Variants in PHF21A observed in about 807,000 individuals in gnomAD.
PHF21A encodes the protein PHD finger protein 21A, also known as BHC80a.
In PHF21A, 11 loss-of-function variants were observed where a neutral mutation model predicts 82.5. The observed-to-expected ratio is 0.13, with a 90% CI of 0.08 to 0.22. PHF21A has a LOEUF of 0.22. PHF21A is among the 10% of genes least tolerant of loss of function. The pLI, the probability that PHF21A is intolerant of heterozygous loss-of-function variation, is 1.00. For missense variants in PHF21A, 579 were observed against 837.8 expected, an observed-to-expected ratio of 0.69 and a Z score of 3.81; for synonymous variants, 297 against 302.8, an observed-to-expected ratio of 0.98 and a Z score of 0.20.
intron 18 of PHF21A, 125 bp downstream of exon 18, chr11:45,935,511 T>G: frequency 4.3e-6 from 3 of 699,330 alleles, no homozygotes; most frequent in Non-Finnish European, 7.5e-6. Context: ...TTTGCCCAAG[T>G]TAATCACGTT....
chr11:45,977,200 G>A (rs115659933), intron 7 of PHF21A, among the ~76,000 whole-genome samples: 274 of 147,384 alleles, frequency 1.9e-3, no homozygotes, highest in African/African-American at 6.4e-3. Flanking sequence ...AGTGCAGTAC[G>A]ATCTCGGCTC....
intron 6 of PHF21A, among the ~76,000 whole-genome samples, chr11:46,015,474 G>A (rs556870041): frequency 6.6e-6 from 1 of 151,922 alleles, no homozygotes; most frequent in Admixed American, 6.6e-5. Context: ...TATAGTTTGA[G>A]ATTTTAAAAA....
chr11:45,973,864 A>C (rs1002982793), intron 7 of PHF21A, among the ~76,000 whole-genome samples: 10 of 152,246 alleles, frequency 6.6e-5, no homozygotes, highest in African/African-American at 2.4e-4. Context: ...ATGGATTTTA[A>C]AGAAACGCAT....
intron 6 of PHF21A, among the ~76,000 whole-genome samples, chr11:46,040,928 C>CACACACACAG (rs956042649): frequency 1.6e-5 from 2 of 123,698 alleles, no homozygotes; most frequent in African/African-American, 7.0e-5. Context: ...CACACACACA[C>CACACACACAG]ACACACGCAC....
chr11:45,997,979 G>A lies in PHF21A; in HGVS notation c.154-18013C>T, dbSNP rs993640596. The stretch of plus-strand genomic sequence containing the variant: ...CAGGTCACCTCTGAACACTGGGCTC[G>A]TAAGGAGGATGGCAGCACAGTTTTG... On this transcript the variant is annotated intron_variant, in intron 6 of 18. Coordinates refer to ENST00000676320, the MANE Select transcript of PHF21A (RefSeq NM_001352027.3). Among the ~76,000 whole-genome samples the A allele has an allele frequency of 4.6e-5, 7 of 152,282 alleles. 1 individual carries two copies. The East Asian group carries it at 9.6e-4, about 21-fold the overall frequency.
At chr11:45,946,415 G>A (rs1469334528) in intron 14 of PHF21A, among the ~76,000 whole-genome samples, 7 of 152,122 alleles carry the variant, frequency 4.6e-5, no homozygotes, top group Admixed American at 2.0e-4. Context: ...ACGGAATCTC[G>A]CTCTGTCACC....
At chr11:46,036,725 C>A (rs2096012098) in intron 6 of PHF21A, among the ~76,000 whole-genome samples, 1 of 152,008 alleles carries the variant, frequency 6.6e-6, no homozygotes, top group Non-Finnish European at 1.5e-5. Context: ...AAGCAAAGTT[C>A]TTGGTTTTGA....
chr11:46,016,614 C>A (rs1033844231), intron 6 of PHF21A, among the ~76,000 whole-genome samples: 3 of 152,108 alleles, frequency 2.0e-5, no homozygotes, highest in African/African-American at 7.2e-5. Context: ...AAAGAGCACC[C>A]GTGTACAACT....
intron 6 of PHF21A, among the ~76,000 whole-genome samples, chr11:46,011,705 G>T (rs1368464523): frequency 6.6e-6 from 1 of 152,114 alleles, no homozygotes; most frequent in African/African-American, 2.4e-5. Flanking sequence ...TTCAAGCAAT[G>T]TATTTAGCTA....
intron 6 of PHF21A, among the ~76,000 whole-genome samples, chr11:46,076,442 C>T (rs903530771): frequency 3.3e-5 from 5 of 152,204 alleles, no homozygotes; most frequent in African/African-American, 9.7e-5. Flanking sequence ...TTCTCTATCA[C>T]CTATTCTCAC....
At chr11:46,022,635 AT>A (rs1247302026) in intron 6 of PHF21A, among the ~76,000 whole-genome samples, 4 of 150,846 alleles carry the variant, frequency 2.7e-5, no homozygotes, top group Admixed American at 6.6e-5. Context: ...GTAGTTTAAT[AT>A]TTTTTTTTAG....
intron 6 of PHF21A, among the ~76,000 whole-genome samples, chr11:45,989,965 C>T (rs1436004397): frequency 6.6e-6 from 1 of 152,028 alleles, no homozygotes; most frequent in Admixed American, 6.6e-5. Context: ...GCACTTCAGC[C>T]TGGGCAACAG....
intron 6 of PHF21A, among the ~76,000 whole-genome samples, chr11:45,985,359 T>C (rs1426417959): frequency 6.6e-6 from 1 of 152,194 alleles, no homozygotes; most frequent in Admixed American, 6.5e-5. Context: ...TAGAGTAAAA[T>C]GTATGTATTG....
intron 6 of PHF21A, among the ~76,000 whole-genome samples, chr11:46,001,080 ACATATCTTAAC>A (rs1373179502): frequency 6.6e-6 from 1 of 152,152 alleles, no homozygotes; most frequent in African/African-American, 2.4e-5. Flanking sequence ...CAATAGCTCA[ACATATCTTAAC>A]CATAAAATCA....
intron 6 of PHF21A, among the ~76,000 whole-genome samples, chr11:45,988,308 A>G (rs185999760): frequency 2.6e-5 from 4 of 152,366 alleles, no homozygotes; most frequent in Admixed American, 2.6e-4. Context: ...CCTTTTAAGA[A>G]TCCTCAACTC....
intron 6 of PHF21A, among the ~76,000 whole-genome samples, chr11:46,002,255 G>A (rs2095155987): frequency 6.6e-6 from 1 of 152,264 alleles, no homozygotes; most frequent in East Asian, 1.9e-4. Context: ...TTAATGGTGG[G>A]TTGAGCTCCT....
At chr11:46,108,141 G>A (rs1026465526) in intron 1 of PHF21A, among the ~76,000 whole-genome samples, 1 of 152,014 alleles carries the variant, frequency 6.6e-6, no homozygotes, top group African/African-American at 2.4e-5. Context: ...TTGTAAATGT[G>A]AAATAAATGT....
chr11:46,042,938 G>C (rs2096181923), intron 6 of PHF21A, among the ~76,000 whole-genome samples: 1 of 152,072 alleles, frequency 6.6e-6, no homozygotes, highest in Non-Finnish European at 1.5e-5. Context: ...TCCAGTCTGA[G>C]GTATTTTGTT....
intron 10 of PHF21A, among the ~76,000 whole-genome samples, chr11:45,962,518 G>T (rs2093158511): frequency 6.6e-6 from 1 of 152,080 alleles, no homozygotes; most frequent in South Asian, 2.1e-4. Flanking sequence ...ATCGGGCTCG[G>T]TAACCTCTAA....
Sources: gnomAD v4.1 joint callset for allele counts (sites outside exome capture counted in the v4.1 genomes callset) on GRCh38, gnomAD v4.1.1 for gene constraint, MANE v1.5 for transcripts, NCBI Gene and HGNC (gene_info 2026-07-23, HGNC 2026-07-21) for gene names.